YIPF1: variants seen among roughly 807,000 people sequenced by gnomAD.
YIPF1 encodes the protein protein YIPF1.
Under a neutral mutation model 37.0 loss-of-function variants are expected in YIPF1, and 22 were observed. That is an observed-to-expected ratio of 0.59 (90% CI 0.42 to 0.85). YIPF1 has a LOEUF of 0.85. Ranked by LOEUF, YIPF1 falls within the 40% of genes least tolerant of loss-of-function variation. The pLI, the probability that YIPF1 is intolerant of heterozygous loss-of-function variation, is 0.00. For missense variants in YIPF1, 355 were observed against 373.1 expected, an observed-to-expected ratio of 0.95 and a Z score of 0.40; for synonymous variants, 128 against 131.9, an observed-to-expected ratio of 0.97 and a Z score of 0.21.
At chr1:53,889,019 T>A in intron 2 of YIPF1, 33 bp from the exon 3 acceptor site, 2 of 1,260,590 alleles carry the variant, frequency 1.6e-6, no homozygotes, top group South Asian at 1.2e-5. Flanking sequence ...CATAATAGGA[T>A]GACAGTATAA....
At chr1:53,883,379 G>GATACA in intron 3 of YIPF1, 103 bp from the exon 4 acceptor site, 1 of 1,255,308 alleles carries the variant, frequency 8.0e-7, no homozygotes, top group Non-Finnish European at 1.0e-6. Flanking sequence ...CTTTGCTATA[G>GATACA]ACCCTACCTG....
chr1:53,860,608 C>A (rs1649845358), intron 9 of YIPF1, among the ~76,000 whole-genome samples: 1 of 152,240 alleles, frequency 6.6e-6, no homozygotes, highest in Admixed American at 6.5e-5. Flanking sequence ...GTGTCACCAG[C>A]ACCCCTGCAC....
chr1:53,888,718 T>C lies in YIPF1; in HGVS notation c.31+189A>G, dbSNP rs529711191. ...TACTCGTTACCAATCTGAAGGGTTA[T>C]CTGGCAAAAAAAACAAAAACAAAAA... On this transcript the variant is annotated intron_variant, in intron 3 of 10. Coordinates refer to ENST00000072644, the MANE Select transcript of YIPF1 (RefSeq NM_018982.5). Among the ~76,000 whole-genome samples, 22 of 152,292 alleles carry C rather than the reference T, an allele frequency of 1.4e-4. No homozygotes were observed. Among genetic ancestry groups the C allele is most frequent in the Non-Finnish European group, 2.6e-4 (18 of 68,022 alleles).
chr1:53,854,718 C>T (rs1198646992), intron 10 of YIPF1, among the ~76,000 whole-genome samples: 1 of 152,176 alleles, frequency 6.6e-6, no homozygotes, highest in Admixed American at 6.5e-5. Flanking sequence ...CCGTTGTTCA[C>T]CAGCACAGAG....
intron 6 of YIPF1, among the ~76,000 whole-genome samples, chr1:53,877,435 T>C: frequency 6.6e-6 from 1 of 152,216 alleles, no homozygotes; most frequent in East Asian, 1.9e-4. Flanking sequence ...GTTGCAAGAA[T>C]GAGATATGAT....
chr1:53,886,346 T>G (rs10788967), intron 3 of YIPF1, among the ~76,000 whole-genome samples: 94,988 of 151,672 alleles, frequency 0.63, 30,592 homozygotes, highest in East Asian at 0.86. Context: ...CTGTGCTGGT[T>G]ATTCTTGTCC....
chr1:53,865,910 G>C lies in YIPF1; in HGVS notation c.831+290C>G, dbSNP rs115785560. Among the ~76,000 whole-genome samples the C allele has an allele frequency of 8.8e-3, 1,342 of 152,112 alleles. 14 individuals are homozygous for C. Among genetic ancestry groups the C allele is most frequent in the African/African-American group, 0.031 (1,299 of 41,516 alleles). ...CGATCCTCTCACCTCAGCCTCCCAA[G>C]TACCAGCTACTTGCGATGCTGAGGT... On this transcript the variant is annotated intron_variant, in intron 9 of 10. Coordinates refer to ENST00000072644, the MANE Select transcript of YIPF1 (RefSeq NM_018982.5).
rs754504480 is a variant in YIPF1 at position 53,878,641 on chromosome 1, C to T, written c.276+1G>A. The T allele has an allele frequency of 5.6e-6, 9 of 1,600,466 alleles. No individual in the cohort carries two copies. The highest frequency in any genetic ancestry group is 7.6e-6 in the Non-Finnish European group (9 of 1,177,304). ...AGGAAAGGTGAAATTGGTTTCCAAA[C>T]CTGGTAGGTGTCCACATCAAAGAAT... On this transcript the variant is annotated splice_donor_variant, in intron 5 of 10. Coordinates refer to ENST00000072644, the MANE Select transcript of YIPF1 (RefSeq NM_018982.5). LOFTEE classifies it high-confidence loss of function.
intron 2 of YIPF1, 21 bp from the exon 3 acceptor site, chr1:53,889,007 A>G: frequency 1.5e-6 from 2 of 1,356,114 alleles, no homozygotes; most frequent in Non-Finnish European, 2.1e-6. Flanking sequence ...AAAATAGGTA[A>G]ACATAATAGG....
intron 6 of YIPF1, among the ~76,000 whole-genome samples, chr1:53,871,945 A>C (rs928655746): frequency 6.6e-6 from 1 of 151,962 alleles, no homozygotes; most frequent in Non-Finnish European, 1.5e-5. Flanking sequence ...CAGGGCAAAC[A>C]GAACACATGA....
chr1:53,885,954 T>C (rs1650641064), intron 3 of YIPF1, among the ~76,000 whole-genome samples: 2 of 151,722 alleles, frequency 1.3e-5, no homozygotes, highest in Admixed American at 6.6e-5. Context: ...TATCAAAATA[T>C]ATGAGTGTAC....
chr1:53,852,696 G>A (rs1218464834), intron 10 of YIPF1, among the ~76,000 whole-genome samples: 1 of 152,114 alleles, frequency 6.6e-6, no homozygotes, highest in East Asian at 1.9e-4. Context: ...GGAGATAATG[G>A]CAGGATATGA....
Position 53,866,935 on chromosome 1 carries a change from C to A in YIPF1, c.482-11G>T. 6.2e-7 allele frequency: 1 copy of A among 1,602,036 alleles called. No homozygotes were observed. Among genetic ancestry groups the A allele is most frequent in the Non-Finnish European group, 8.5e-7 (1 of 1,175,066 alleles). ...TAGCTGCTATGGACACTGAGGATGA[C>A]AGGACACAAGTTTCAATCTCCATCA... On this transcript the variant is annotated splice_polypyrimidine_tract_variant and intron_variant, in intron 7 of 10. Transcript: ENST00000072644.
intron 3 of YIPF1, among the ~76,000 whole-genome samples, chr1:53,887,724 C>T (rs1650692911): frequency 6.6e-6 from 1 of 152,176 alleles, no homozygotes; most frequent in Non-Finnish European, 1.5e-5. Flanking sequence ...ACAGCATAAG[C>T]TGTGATACCA....
chr1:53,872,810 C>T (rs954209529), intron 6 of YIPF1, among the ~76,000 whole-genome samples: 1 of 152,060 alleles, frequency 6.6e-6, no homozygotes, highest in Non-Finnish European at 1.5e-5. Context: ...AAAAAGTCAC[C>T]AATATTAGCT....
chr1:53,887,367 A>T (rs1650684086), intron 3 of YIPF1, among the ~76,000 whole-genome samples: 1 of 151,976 alleles, frequency 6.6e-6, no homozygotes. Flanking sequence ...GGTGTGAGCC[A>T]CTGCGCCCAG....
intron 7 of YIPF1, among the ~76,000 whole-genome samples, chr1:53,869,744 T>C (rs2100730004): frequency 6.6e-6 from 1 of 152,278 alleles, no homozygotes; most frequent in East Asian, 1.9e-4. Context: ...TTCTTCTAAA[T>C]ACCCAATACT....
intron 7 of YIPF1, among the ~76,000 whole-genome samples, chr1:53,867,367 CTTTTTT>C (rs57424528): frequency 9.0e-6 from 1 of 111,582 alleles, no homozygotes; most frequent in African/African-American, 3.5e-5. Context: ...CACTGACTTC[CTTTTTT>C]TTTTTTTTTT....
chr1:53,878,613 A>T, intron 5 of YIPF1, 29 bp downstream of exon 5: 1 of 1,590,804 alleles, frequency 6.3e-7, no homozygotes, highest in Non-Finnish European at 8.5e-7. Context: ...CTTTACCCGT[A>T]AAAGGAAAGG....
Sources: gnomAD v4.1 joint callset for allele counts (sites outside exome capture counted in the v4.1 genomes callset) on GRCh38, gnomAD v4.1.1 for gene constraint, MANE v1.5 for transcripts, NCBI Gene and HGNC (gene_info 2026-07-23, HGNC 2026-07-21) for gene names.